RFX3: variants seen among roughly 807,000 people sequenced by gnomAD.
RFX3 encodes the protein transcription factor RFX3.
Under a neutral mutation model 98.6 loss-of-function variants are expected in RFX3, and 14 were observed. The ratio of observed to expected loss-of-function variants is 0.14; its 90% CI spans 0.09 to 0.22. RFX3 has a LOEUF of 0.22. Among genes scored for constraint, RFX3 ranks in the 10% least tolerant of loss-of-function variants. The pLI is 1.00. For missense variants in RFX3, 639 were observed against 926.9 expected (o/e 0.69, Z 4.03); for synonymous variants, 383 against 328.4 (o/e 1.17, Z -1.80).
In RFX3 at chr9:3,399,555, A is replaced by G. The variant is rs142217469; in HGVS notation, c.-8-3959T>C. Among the ~76,000 whole-genome samples, 107 of 152,310 alleles carry G rather than the reference A, an allele frequency of 7.0e-4. 1 individual carries two copies. Among genetic ancestry groups the G allele is most frequent in the African/African-American group, 2.4e-3 (101 of 41,568 alleles). ...CTATAGGCAAATTATTTAAATGGTTATACTCTTTTCAATTGAATGGCCTCT... is the reference window on the plus strand; with the variant it reads ...CTATAGGCAAATTATTTAAATGGTTGTACTCTTTTCAATTGAATGGCCTCT... On this transcript the variant is annotated intron_variant, in intron 1 of 16. Coordinates refer to ENST00000617270, the MANE Select transcript of RFX3 (RefSeq NM_001282116.2).
chr9:3,366,742 C>CTTTCTTTCTTTCT (rs1837242094), intron 2 of RFX3, among the ~76,000 whole-genome samples: 1 of 90,424 alleles, frequency 1.1e-5, no homozygotes, highest in Non-Finnish European at 2.4e-5. Flanking sequence ...TTCTTTCTTT[C>CTTTCTTTCTTTCT]TTTCTTTCTT....
intron 2 of RFX3, among the ~76,000 whole-genome samples, chr9:3,393,779 G>A (rs1029079276): frequency 6.6e-6 from 1 of 152,000 alleles, no homozygotes; most frequent in African/African-American, 2.4e-5. Flanking sequence ...TAAACAATTG[G>A]TACACATGAA....
intron 15 of RFX3, among the ~76,000 whole-genome samples, chr9:3,244,978 T>C (rs1407894569): frequency 6.6e-6 from 1 of 152,204 alleles, no homozygotes; most frequent in Admixed American, 6.5e-5. Context: ...ATCAGAAGTC[T>C]AGAGTTCAAC....
At chr9:3,493,013 A>G (rs1010459417) in intron 1 of RFX3, among the ~76,000 whole-genome samples, 1 of 152,082 alleles carries the variant, frequency 6.6e-6, no homozygotes, top group Non-Finnish European at 1.5e-5. Flanking sequence ...TAACTCATCA[A>G]ATAATAACAA....
At chr9:3,463,916 G>A (rs1454087547) in intron 1 of RFX3, among the ~76,000 whole-genome samples, 1 of 152,002 alleles carries the variant, frequency 6.6e-6, no homozygotes, top group Non-Finnish European at 1.5e-5. Flanking sequence ...AAGGCTGCAG[G>A]GAGCTGTGAT....
chr9:3,523,352 T>C (rs372577665), intron 1 of RFX3, among the ~76,000 whole-genome samples: 2 of 152,214 alleles, frequency 1.3e-5, no homozygotes, highest in Non-Finnish European at 2.9e-5. Flanking sequence ...TAAGTATCTA[T>C]CCTTGTGTTT....
chr9:3,441,241 A>G (rs1845584194), intron 1 of RFX3, among the ~76,000 whole-genome samples: 1 of 152,186 alleles, frequency 6.6e-6, no homozygotes, highest in Non-Finnish European at 1.5e-5. Flanking sequence ...GTATGAGATT[A>G]GAGTCAGAGA....
chr9:3,231,037 C>T (rs1246185857), intron 15 of RFX3, among the ~76,000 whole-genome samples: 2 of 152,118 alleles, frequency 1.3e-5, no homozygotes, highest in Non-Finnish European at 2.9e-5. Flanking sequence ...AAAACAGAAA[C>T]CAAAACAGCT....
chr9:3,337,235 G>A (rs1423490525), intron 3 of RFX3, among the ~76,000 whole-genome samples: 1 of 152,184 alleles, frequency 6.6e-6, no homozygotes, highest in African/African-American at 2.4e-5. Context: ...CTGTGAAATA[G>A]ATACAATAAT....
chr9:3,368,463 T>C (rs1837452883), intron 2 of RFX3, among the ~76,000 whole-genome samples: 1 of 152,088 alleles, frequency 6.6e-6, no homozygotes, highest in Admixed American at 6.6e-5. Context: ...TCAAGAGGAC[T>C]GAGAACAACA....
intron 4 of RFX3, among the ~76,000 whole-genome samples, chr9:3,305,972 T>C (rs1424438501): frequency 1.3e-5 from 2 of 152,090 alleles, no homozygotes; most frequent in Non-Finnish European, 2.9e-5. Context: ...ATCACATGCT[T>C]CCAGTTTATT....
intron 2 of RFX3, among the ~76,000 whole-genome samples, chr9:3,358,935 G>A (rs961797647): frequency 3.9e-5 from 6 of 151,994 alleles, no homozygotes; most frequent in African/African-American, 1.2e-4. Context: ...ACAGCATGGG[G>A]GAAACTGCTC....
At chr9:3,283,520 T>C (rs920798366) in intron 7 of RFX3, among the ~76,000 whole-genome samples, 4 of 151,748 alleles carry the variant, frequency 2.6e-5, no homozygotes, top group African/African-American at 9.7e-5. Context: ...TTCGTTTAAC[T>C]AGTCTATGAA....
intron 4 of RFX3, among the ~76,000 whole-genome samples, chr9:3,329,407 CA>C (rs1202028884): frequency 1.7e-3 from 63 of 38,142 alleles, no homozygotes; most frequent in South Asian, 4.8e-3. Flanking sequence ...GACTTCATCT[CA>C]AAAAAAAAAA....
At chr9:3,257,341 C>G in intron 13 of RFX3, 142 bp from the exon 14 acceptor site, 1 of 678,964 alleles carries the variant, frequency 1.5e-6, no homozygotes. Context: ...TAAAAAACTA[C>G]TTGTCAATTG....
chr9:3,295,190 G>A (rs1344902212), intron 5 of RFX3, among the ~76,000 whole-genome samples: 2 of 151,818 alleles, frequency 1.3e-5, no homozygotes, highest in East Asian at 3.9e-4. Context: ...GCCTACAACA[G>A]GGGGACAGCA....
rs139174490 is a variant in RFX3, at chr9:3,444,906, A to G, written c.-8-49310T>C. ...AGAAAGAGTTGAAGCAGAAACTCAA[A>G]TGATCACTTTGTTAGGTGAGGGTCT... On this transcript the variant is annotated intron_variant, in intron 1 of 16. Coordinates refer to ENST00000617270, the MANE Select transcript of RFX3 (RefSeq NM_001282116.2). Among the ~76,000 whole-genome samples the G allele has an allele frequency of 2.1e-3, 325 of 152,340 alleles. 1 individual carries two copies. The highest frequency in any genetic ancestry group is 0.014 in the South Asian group (70 of 4,832).
chr9:3,470,579 G>A (rs777194573), intron 1 of RFX3, among the ~76,000 whole-genome samples: 3 of 151,586 alleles, frequency 2.0e-5, no homozygotes, highest in Non-Finnish European at 4.4e-5. Context: ...CGCCCGCCTC[G>A]GCCTCCCAGA....
intron 15 of RFX3, among the ~76,000 whole-genome samples, chr9:3,230,730 G>A (rs1818344660): frequency 1.3e-5 from 2 of 152,126 alleles, no homozygotes; most frequent in African/African-American, 4.8e-5. Context: ...TTCTTGAAAG[G>A]AGTTGGTAGT....
Sources: allele counts gnomAD v4.1 joint callset (sites outside exome capture counted in the v4.1 genomes callset), GRCh38; gene constraint gnomAD v4.1.1; transcripts MANE v1.5; gene names NCBI Gene and HGNC (gene_info 2026-07-23, HGNC 2026-07-21).